SLC19A3: variants seen among roughly 807,000 people sequenced by gnomAD.
SLC19A3 encodes the protein thiamine transporter 2.
SLC19A3 carries 31 observed loss-of-function variants against 40.2 expected under a neutral mutation model. The observed-to-expected ratio is 0.77, with a 90% CI of 0.58 to 1.04. The LOEUF (loss-of-function observed/expected upper bound fraction) is 1.04. Among genes scored for constraint, SLC19A3 ranks in the 50% least tolerant of loss-of-function variants. SLC19A3 has a pLI of 0.00. For missense variants in SLC19A3, 592 were observed against 596.7 expected (o/e 0.99, Z 0.08); for synonymous variants, 212 against 227.5 (o/e 0.93, Z 0.61).
intron 5 of SLC19A3, among the ~76,000 whole-genome samples, chr2:227,687,815 T>C (rs990025893): frequency 1.3e-5 from 2 of 152,176 alleles, no homozygotes; most frequent in African/African-American, 4.8e-5. Context: ...GTTAAAATCA[T>C]AGTTACTATC....
intron 2 of SLC19A3, chr2:227,701,198 G>A (rs771205862): frequency 8.4e-6 from 7 of 835,000 alleles, no homozygotes; most frequent in Non-Finnish European, 1.2e-5. Flanking sequence ...ACCACCCGAG[G>A]CACCCATCAG....
intron 1 of SLC19A3, chr2:227,706,467 C>G (rs773469946): frequency 8.2e-7 from 1 of 1,221,208 alleles, no homozygotes; most frequent in Non-Finnish European, 1.0e-6. Context: ...ACTGTGTAAA[C>G]GGTAGATTAA....
At chr2:227,702,534 C>T in intron 1 of SLC19A3, 1 of 545,270 alleles carries the variant, frequency 1.8e-6, no homozygotes, top group African/African-American at 1.9e-5. Flanking sequence ...GCTGGGATTA[C>T]AGGTGCCTGC....
intron 1 of SLC19A3, among the ~76,000 whole-genome samples, chr2:227,716,381 A>C (rs2106346298): frequency 6.6e-6 from 1 of 152,284 alleles, no homozygotes; most frequent in East Asian, 1.9e-4. Flanking sequence ...GCCGGGACTC[A>C]GAAGCCGATA....
chr2:227,710,817 C>T (rs2106341303), intron 1 of SLC19A3, among the ~76,000 whole-genome samples: 1 of 152,228 alleles, frequency 6.6e-6, no homozygotes, highest in East Asian at 1.9e-4. Context: ...TTACAGTTTC[C>T]AAAAAGCCCA....
intron 1 of SLC19A3, among the ~76,000 whole-genome samples, chr2:227,712,403 A>G (rs1696174377): frequency 6.6e-6 from 1 of 152,202 alleles, no homozygotes; most frequent in Non-Finnish European, 1.5e-5. Flanking sequence ...AAAGATTTAA[A>G]TACTTTGCAA....
chr2:227,690,433 C>A (rs181224668), intron 4 of SLC19A3, among the ~76,000 whole-genome samples: 2 of 151,958 alleles, frequency 1.3e-5, no homozygotes, highest in African/African-American at 2.4e-5. Flanking sequence ...TACGGCCAGG[C>A]GCGGTGGCTC....
intron 1 of SLC19A3, among the ~76,000 whole-genome samples, chr2:227,705,946 G>A (rs191379855): frequency 1.2e-4 from 18 of 152,184 alleles, no homozygotes; most frequent in Non-Finnish European, 1.9e-4. Flanking sequence ...TACTTGGGAG[G>A]CTGAGGTGAG....
At chr2:227,695,813 A>G in intron 4 of SLC19A3, 76 bp downstream of exon 4, 1 of 1,438,166 alleles carries the variant, frequency 7.0e-7, no homozygotes, top group South Asian at 1.2e-5. Flanking sequence ...ATCCTTCTGA[A>G]GTTCTTAGAG....
chr2:227,693,560 C>T (rs1010775948), intron 4 of SLC19A3, among the ~76,000 whole-genome samples: 3 of 152,028 alleles, frequency 2.0e-5, no homozygotes, highest in Non-Finnish European at 2.9e-5. Flanking sequence ...GAAAGTAGAC[C>T]CCTATCTCTC....
intron 4 of SLC19A3, among the ~76,000 whole-genome samples, chr2:227,692,726 TA>T (rs1261548689): frequency 6.6e-6 from 1 of 152,122 alleles, no homozygotes; most frequent in Non-Finnish European, 1.5e-5. Context: ...GAGAAAGAAA[TA>T]AAGGGCATCC....
At chr2:227,695,856 AG>A in intron 4 of SLC19A3, 32 bp downstream of exon 4, 1 of 1,593,838 alleles carries the variant, frequency 6.3e-7, no homozygotes, top group Admixed American at 1.7e-5. Flanking sequence ...AGAGGAATAC[AG>A]TTCAGTTTTA....
chr2:227,697,445 C>T (rs915227418), intron 3 of SLC19A3, among the ~76,000 whole-genome samples: 14 of 152,190 alleles, frequency 9.2e-5, no homozygotes, highest in African/African-American at 3.4e-4. Flanking sequence ...AGATTTCCCT[C>T]TGATATTAAA....
In SLC19A3 at chr2:227,701,124, A is replaced by G. The variant is rs1226023448; in HGVS notation, c.150+1045T>C. ...ATGCTTCAACCTGAGCAACTCGGAA[A>G]CAGGGTTGTCCCTAAGTGATCTGAT... is the stretch of plus-strand genomic sequence containing the variant. On this transcript the variant is annotated intron_variant, in intron 2 of 5. Transcript: ENST00000644224. 3 of 1,276,034 alleles carry G rather than the reference A, an allele frequency of 2.4e-6. No homozygotes were observed. The East Asian group carries it at 1.7e-4, about 72-fold the overall frequency. 79.0% of individuals were successfully genotyped at this position (1,276,034 alleles called of 1,614,324 possible).
chr2:227,697,755 G>C (rs571930347), intron 3 of SLC19A3, among the ~76,000 whole-genome samples: 8 of 152,320 alleles, frequency 5.3e-5, no homozygotes, highest in Admixed American at 2.6e-4. Context: ...GAATTTCATT[G>C]TTTGGTGCTA....
Position 227,698,870 on chromosome 2 carries a change from G to T in SLC19A3, c.845C>A (p.Ser282Tyr). 3.7e-6 allele frequency: 6 copies of T among 1,614,140 alleles called. No individual in the cohort carries two copies. The highest frequency in any genetic ancestry group is 5.1e-6 in the Non-Finnish European group (6 of 1,180,006). ...CYSSKRLFYW[S>Y]LWWAFATAGF... is the part of the protein sequence containing the mutation. The stretch of plus-strand genomic sequence containing the variant: ...TGCTGTGGCGAAAGCCCACCATAGA[G>T]ACCAGTAGAAAAGACGTTTTGAGGA... The change falls in exon 3 of 6, where the codon TCT becomes TAT. Residue 282 changes from serine to tyrosine, a missense_variant. Physicochemically the swap from Ser to Tyr is moderately radical, Grantham distance 144. Coordinates refer to ENST00000644224, the MANE Select transcript of SLC19A3 (RefSeq NM_025243.4).
chr2:227,695,790 G>T, intron 4 of SLC19A3, 99 bp downstream of exon 4: 2 of 1,172,074 alleles, frequency 1.7e-6, no homozygotes, highest in Non-Finnish European at 2.5e-6. Context: ...ATTTAATATT[G>T]CAATTGACTA....
chr2:227,700,692 T>A (rs1695651869), intron 2 of SLC19A3, among the ~76,000 whole-genome samples: 1 of 151,928 alleles, frequency 6.6e-6, no homozygotes, highest in Admixed American at 6.6e-5. Context: ...AAATAATGTA[T>A]CTCATTTTCC....
intron 4 of SLC19A3, among the ~76,000 whole-genome samples, chr2:227,692,333 T>C (rs1695263144): frequency 6.6e-6 from 1 of 152,182 alleles, no homozygotes; most frequent in Admixed American, 6.5e-5. Flanking sequence ...AATTCAATAA[T>C]ACATTAGAAA....
Sources: gnomAD v4.1 joint callset for allele counts (sites outside exome capture counted in the v4.1 genomes callset) on GRCh38, gnomAD v4.1.1 for gene constraint, MANE v1.5 for transcripts, NCBI Gene and HGNC (gene_info 2026-07-23, HGNC 2026-07-21) for gene names.